SMG6: variants seen among roughly 807,000 people sequenced by gnomAD.
The protein encoded by SMG6 is SMG6 nonsense mediated mRNA decay factor, also known as telomerase-binding protein EST1A.
SMG6 carries 66 observed loss-of-function variants against 142.2 expected under a neutral mutation model. That is an observed-to-expected ratio of 0.46 (90% CI 0.38 to 0.57). The LOEUF is 0.57. SMG6 is among the 20% of genes least tolerant of loss of function. The pLI is 0.00. For synonymous variants in SMG6, 779 were observed against 702.4 expected, an observed-to-expected ratio of 1.11 and a Z score of -1.72; for missense variants, 1,793 against 1,832.0, an observed-to-expected ratio of 0.98 and a Z score of 0.39.
chr17:2,120,983 G>A (rs533083811), intron 13 of SMG6, among the ~76,000 whole-genome samples: 281 of 152,098 alleles, frequency 1.8e-3, no homozygotes, highest in Admixed American at 5.4e-3. Context: ...AAAAAAAAGC[G>A]GGGGGCAAAA....
At chr17:2,076,026 G>A (rs540001111) in intron 15 of SMG6, among the ~76,000 whole-genome samples, 249 of 152,362 alleles carry the variant, frequency 1.6e-3, no homozygotes, top group African/African-American at 5.9e-3. Context: ...TCACAGAAGA[G>A]CTTAGGCGGC....
chr17:2,189,818 C>T (rs1376520769), intron 10 of SMG6, among the ~76,000 whole-genome samples: 2 of 150,958 alleles, frequency 1.3e-5, no homozygotes, highest in Non-Finnish European at 2.9e-5. Context: ...CAGGCTGCTG[C>T]TCAGAAGGGC....
intron 13 of SMG6, among the ~76,000 whole-genome samples, chr17:2,121,489 C>A (rs959928013): frequency 6.6e-6 from 1 of 151,642 alleles, no homozygotes; most frequent in African/African-American, 2.4e-5. Context: ...ACAGAGCTTG[C>A]CTCTGGGGAC....
intron 8 of SMG6, among the ~76,000 whole-genome samples, chr17:2,273,350 T>C (rs2074579820): frequency 6.6e-6 from 1 of 152,130 alleles, no homozygotes; most frequent in Non-Finnish European, 1.5e-5. Flanking sequence ...ACCCTGGCTC[T>C]ACTCAAAATA....
rs141194199 is a variant in SMG6 at position 2,116,326 on chromosome 17, G to A, written c.3358-30425C>T. ...ACTCCTGGCCTCAAGGGATCCTCCCGCCTCGGCCTTCCAAAGTGTTGAGAT... is the reference window on the plus strand; with the variant it reads ...ACTCCTGGCCTCAAGGGATCCTCCCACCTCGGCCTTCCAAAGTGTTGAGAT... On this transcript the variant is annotated intron_variant, in intron 13 of 18. Coordinates refer to ENST00000263073, the MANE Select transcript of SMG6 (RefSeq NM_017575.5). Among the ~76,000 whole-genome samples the A allele has an allele frequency of 8.9e-3, 1,347 of 152,148 alleles. 13 individuals are homozygous for A. Among genetic ancestry groups the A allele is most frequent in the Non-Finnish European group, 0.014 (975 of 67,988 alleles).
At chr17:2,247,929 TAAAC>T (rs374727108) in intron 8 of SMG6, among the ~76,000 whole-genome samples, 62 of 151,668 alleles carry the variant, frequency 4.1e-4, no homozygotes, top group South Asian at 2.3e-3. Flanking sequence ...CAGTATCTGT[TAAAC>T]AAACAAACAA....
At chr17:2,061,721 C>A (rs2067786399) in intron 18 of SMG6, 99 bp from the exon 19 acceptor site, 4 of 1,348,246 alleles carry the variant, frequency 3.0e-6, no homozygotes, top group Non-Finnish European at 4.1e-6. Context: ...GGAGGGGGTG[C>A]CACGCTAGCC....
At chr17:2,097,486 T>A (rs1200842389) in intron 13 of SMG6, among the ~76,000 whole-genome samples, 1 of 152,216 alleles carries the variant, frequency 6.6e-6, no homozygotes, top group Non-Finnish European at 1.5e-5. Context: ...CCATTCTGTA[T>A]GAGGTGTGTT....
intron 8 of SMG6, among the ~76,000 whole-genome samples, chr17:2,250,717 AT>A (rs1360386953): frequency 1.3e-5 from 2 of 152,104 alleles, no homozygotes; most frequent in African/African-American, 4.8e-5. Context: ...ACTTTCTTGC[AT>A]TTTAGAAAAG....
At chr17:2,140,986 G>A (rs1259840497) in intron 13 of SMG6, among the ~76,000 whole-genome samples, 1 of 152,248 alleles carries the variant, frequency 6.6e-6, no homozygotes, top group Non-Finnish European at 1.5e-5. Context: ...GTTCCCAGGT[G>A]AATCTGATGC....
At chr17:2,120,676 T>C (rs1475523359) in intron 13 of SMG6, among the ~76,000 whole-genome samples, 1 of 152,190 alleles carries the variant, frequency 6.6e-6, no homozygotes, top group African/African-American at 2.4e-5. Context: ...TGAGCTGTGA[T>C]TGTGCCACTG....
intron 8 of SMG6, among the ~76,000 whole-genome samples, chr17:2,253,208 C>T (rs866702544): frequency 6.6e-6 from 1 of 151,854 alleles, no homozygotes. Context: ...GTGGCGCGAT[C>T]TCGGCTCACT....
chr17:2,186,851 G>C lies in SMG6; in HGVS notation c.2987-20C>G, dbSNP rs2072003800. ...GCTGAGCTGCAGAGGCAAAGGGTGA[G>C]AACTGGGCCTATGTCTGCTGTAGCC... On this transcript the variant is annotated intron_variant, in intron 11 of 18. Transcript: ENST00000263073. 1 of 1,612,522 alleles carries C rather than the reference G, an allele frequency of 6.2e-7. No homozygotes were observed. Among genetic ancestry groups the C allele is most frequent in the Admixed American group, 1.7e-5 (1 of 59,852 alleles).
Position 2,085,175 on chromosome 17 carries a change from C to T in SMG6, c.3534+550G>A, listed in dbSNP as rs1467210458. 2.0e-5 allele frequency among the ~76,000 whole-genome samples: 3 copies of T among 151,872 alleles called. No homozygotes were observed. The highest frequency in any genetic ancestry group is 4.8e-5 in the African/African-American group (2 of 41,316). ...ACACACACACACAGACACACACACA[C>T]GAGTCTGGAGTGAAGCAAGGGCTAC... On this transcript the variant is annotated intron_variant, in intron 14 of 18. Coordinates refer to ENST00000263073, the MANE Select transcript of SMG6 (RefSeq NM_017575.5). The surrounding 1 kb of genome is among the most constrained non-coding windows in gnomAD (Gnocchi z 4.1).
At chr17:2,104,299 T>G (rs978088323) in intron 13 of SMG6, among the ~76,000 whole-genome samples, 1 of 152,148 alleles carries the variant, frequency 6.6e-6, no homozygotes, top group South Asian at 2.1e-4. Context: ...TTTCACCATG[T>G]TGGCCAGGCA....
chr17:2,132,252 A>C (rs1014419231), intron 13 of SMG6, among the ~76,000 whole-genome samples: 3 of 152,184 alleles, frequency 2.0e-5, no homozygotes, highest in Non-Finnish European at 4.4e-5. Context: ...GAGGTAAGAG[A>C]CTATGCCTGT....
At chr17:2,175,639 CA>C (rs1324105885) in intron 12 of SMG6, among the ~76,000 whole-genome samples, 1 of 152,092 alleles carries the variant, frequency 6.6e-6, no homozygotes, top group African/African-American at 2.4e-5. Flanking sequence ...AGACTCACTG[CA>C]AAAATAAGGT....
chr17:2,121,631 GTGTGTGTGTGTGTGTA>G (rs2069702090), intron 13 of SMG6, among the ~76,000 whole-genome samples: 1 of 66,956 alleles, frequency 1.5e-5, no homozygotes, highest in Non-Finnish European at 3.0e-5. Flanking sequence ...GTGTGTGTGT[GTGTGTGTGTGTGTGTA>G]GAGAGAGAGA....
chr17:2,302,606 A>G (rs1051832180), intron 1 of SMG6, among the ~76,000 whole-genome samples: 2 of 152,248 alleles, frequency 1.3e-5, no homozygotes, highest in African/African-American at 4.8e-5. Flanking sequence ...ATATAAATGG[A>G]AACAAGCCCA....
Sources: gnomAD v4.1 joint callset for allele counts (sites outside exome capture counted in the v4.1 genomes callset) on GRCh38, gnomAD v4.1.1 for gene constraint, Gnocchi (gnomAD v3.1) non-coding constraint, MANE v1.5 for transcripts, NCBI Gene and HGNC (gene_info 2026-07-23, HGNC 2026-07-21) for gene names.